The following PCDH10 variants were observed in gnomAD, a reference collection of about 807,000 sequenced individuals.
The protein encoded by PCDH10 is protocadherin 10.
Under a neutral mutation model 74.4 loss-of-function variants are expected in PCDH10, and 15 were observed. The observed-to-expected ratio is 0.20, with a 90% CI of 0.13 to 0.31. The LOEUF (loss-of-function observed/expected upper bound fraction) is 0.31, where lower values mean the gene tolerates loss of function less well. Among genes scored for constraint, PCDH10 ranks in the 10% least tolerant of loss-of-function variants. PCDH10 has a pLI of 1.00. For missense variants in PCDH10, 1,260 were observed against 1,390.2 expected (o/e 0.91, Z 1.49); for synonymous variants, 619 against 589.8 (o/e 1.05, Z -0.72).
intron 3 of PCDH10, among the ~76,000 whole-genome samples, chr4:133,158,707 A>G (rs2125861573): frequency 6.6e-6 from 1 of 152,248 alleles, no homozygotes; most frequent in East Asian, 1.9e-4. Context: ...AAACACAAAT[A>G]CCTATTTCCA....
rs1327291328 is a variant in PCDH10 at position 133,191,479 on chromosome 4, T to C, written c.*1319T>C. The C allele has an allele frequency of 1.3e-5, 2 of 152,234 alleles. No homozygotes were observed. Among genetic ancestry groups the C allele is most frequent in the Non-Finnish European group, 3.0e-5 (2 of 67,774 alleles). 9.4% of individuals were successfully genotyped at this position (152,234 alleles called of 1,614,324 possible). On this transcript the variant is annotated 3_prime_UTR_variant, in exon 5 of 5. Coordinates refer to ENST00000264360, the MANE Select transcript of PCDH10 (RefSeq NM_032961.3). ...TTATAGCTTAAATGTAGTCAGTGTTTGATTAATGAAAAAATTCTTCATGAG... is the reference window on the plus strand; with the variant it reads ...TTATAGCTTAAATGTAGTCAGTGTTCGATTAATGAAAAAATTCTTCATGAG...
At chr4:133,182,390 AG>A (rs951894112) in intron 4 of PCDH10, among the ~76,000 whole-genome samples, 3 of 152,102 alleles carry the variant, frequency 2.0e-5, no homozygotes, top group African/African-American at 7.2e-5. Context: ...TTTTTTAAGT[AG>A]GGATATTTTG....
At chr4:133,157,381 C>A (rs752842802) in intron 3 of PCDH10, among the ~76,000 whole-genome samples, 1 of 152,280 alleles carries the variant, frequency 6.6e-6, no homozygotes, top group South Asian at 2.1e-4. Context: ...TCACATCAGG[C>A]AGCTAGACTA....
chr4:133,207,145 G>A (rs1728024497), intron 2 of PCDH10, among the ~76,000 whole-genome samples: 1 of 151,628 alleles, frequency 6.6e-6, no homozygotes, highest in Non-Finnish European at 1.5e-5. Flanking sequence ...AAAACCAAAG[G>A]GGTAATATGC....
intron 4 of PCDH10, among the ~76,000 whole-genome samples, chr4:133,188,485 T>A (rs1727587185): frequency 6.6e-6 from 1 of 152,120 alleles, no homozygotes; most frequent in Admixed American, 6.6e-5. Flanking sequence ...TTCTCTGGAA[T>A]ATTATGACCT....
At chr4:133,200,207 CATT>C (rs1459444326) in intron 2 of PCDH10, among the ~76,000 whole-genome samples, 5 of 151,916 alleles carry the variant, frequency 3.3e-5, no homozygotes, top group East Asian at 1.9e-4. Context: ...AAAACTTTCT[CATT>C]AATAATGTTT....
rs748926813 is a variant in PCDH10 at position 133,152,375 on chromosome 4, G to A, written c.2235G>A (p.Lys745=). 15 of 1,614,096 alleles carry A rather than the reference G, an allele frequency of 9.3e-6. No individual in the cohort carries two copies. Among genetic ancestry groups the A allele is most frequent in the South Asian group, 2.2e-5 (2 of 91,094 alleles). ...CCGTGCGTTGCCAAAAAGAGAAGAA[G>A]CTCAACATCTATACTTGTCTGGCCA... ...VLAVRCQKEK[K]LNIYTCLASD... Residue 745 remains lysine (K), a synonymous_variant, in exon 1 of 5, where the codon AAG becomes AAA. Coordinates refer to ENST00000264360, the MANE Select transcript of PCDH10 (RefSeq NM_032961.3).
chr4:133,164,987 C>T (rs561235283), intron 4 of PCDH10, among the ~76,000 whole-genome samples: 234 of 146,804 alleles, frequency 1.6e-3, no homozygotes, highest in African/African-American at 5.3e-3. Context: ...TACATATATT[C>T]ATATATATAC....
In PCDH10 at chr4:133,151,100, G is replaced by T; in HGVS notation, c.960G>T (p.Glu320Asp). 6.2e-7 allele frequency: 1 copy of T among 1,614,112 alleles called. No homozygotes were observed. Among genetic ancestry groups the T allele is most frequent in the Non-Finnish European group, 8.5e-7 (1 of 1,180,022 alleles). ...LEVSGELDYE[E>D]SPVYQVYVQA... ...TAAGCGGCGAGTTGGACTATGAAGAGAGCCCAGTGTACCAAGTGTACGTGC... is the reference window on the plus strand; with the variant it reads ...TAAGCGGCGAGTTGGACTATGAAGATAGCCCAGTGTACCAAGTGTACGTGC... Residue 320 changes from glutamate (E) to aspartate (D), a missense_variant, in exon 1 of 5, where the codon GAG (glutamate) becomes GAT (aspartate). By Grantham distance (45) the Glu-to-Asp change is conservative. Around this residue, in one of 11 missense-constraint regions of PCDH10, gnomAD observed 192 missense variants for 161.2 expected, o/e 1.19. Transcript: ENST00000264360.
At position 133,150,608 on chromosome 4, in the gene PCDH10, G is replaced by C; in HGVS notation, c.468G>C (p.Leu156Phe). The change falls in exon 1 of 5, where the codon TTG (leucine) becomes TTC (phenylalanine). Residue 156 changes from leucine to phenylalanine, a missense_variant. By Grantham distance (22) the Leu-to-Phe change is conservative. This residue lies in a region of PCDH10 where 35 missense variants were observed against 29.1 expected (regional missense o/e 1.20). Coordinates refer to ENST00000264360, the MANE Select transcript of PCDH10 (RefSeq NM_032961.3). ...AFDPDVGTNS[L>F]RDYEITPNSY... is the part of the protein sequence containing the mutation. The stretch of plus-strand genomic sequence containing the variant: ...ACCCAGACGTGGGCACCAACTCCTT[G>C]CGCGACTACGAGATCACCCCCAACA... The C allele has an allele frequency of 1.2e-6, 2 of 1,613,492 alleles. No individual in the cohort carries two copies. The highest frequency in any genetic ancestry group is 1.7e-6 in the Non-Finnish European group (2 of 1,179,988).
intron 3 of PCDH10, among the ~76,000 whole-genome samples, chr4:133,155,916 G>A (rs1157993507): frequency 6.6e-6 from 1 of 151,992 alleles, no homozygotes; most frequent in Non-Finnish European, 1.5e-5. Context: ...TCTTTGAAGG[G>A]TGTTTGTTGA....
chr4:133,161,013 C>T (rs1560707169), intron 3 of PCDH10, among the ~76,000 whole-genome samples: 1 of 152,160 alleles, frequency 6.6e-6, no homozygotes, highest in East Asian at 1.9e-4. Flanking sequence ...GTATCAGGGA[C>T]ATTCTAGTTC....
At position 133,152,520 on chromosome 4, in the gene PCDH10, A is replaced by G. The variant is rs1438536521; in HGVS notation, c.2380A>G (p.Asn794Asp). 1.2e-6 allele frequency: 2 copies of G among 1,613,988 alleles called. No individual in the cohort carries two copies. The highest frequency in any genetic ancestry group is 1.7e-5 in the Admixed American group (1 of 60,008). The change falls in exon 1 of 5, where the codon AAT (asparagine) becomes GAT (aspartate). Residue 794 changes from asparagine (N) to aspartate (D), a missense_variant. Asn to Asp is a conservative substitution (Grantham distance 23, BLOSUM62 1). Coordinates refer to ENST00000264360, the MANE Select transcript of PCDH10 (RefSeq NM_032961.3). The part of the protein sequence containing the change: ...KSDIMLVQSS[N>D]VPSNPAQVPI... ...AGACATCATGCTGGTGCAGAGCTCC[A>G]ATGTACCCAGTAACCCGGCCCAGGT...
chr4:133,199,502 T>A (rs1727860068), downstream of PCDH10, among the ~76,000 whole-genome samples: 1 of 149,754 alleles, frequency 6.7e-6, no homozygotes, highest in African/African-American at 2.4e-5. Flanking sequence ...GGGGGACAAA[T>A]AGGATGTACT....
At chr4:133,197,717 A>C (rs1413464385), downstream of PCDH10, among the ~76,000 whole-genome samples, 1 of 152,186 alleles carries the variant, frequency 6.6e-6, no homozygotes, top group Non-Finnish European at 1.5e-5. Flanking sequence ...AGGAACATTT[A>C]GATAACATTG....
At chr4:133,166,177 G>C (rs1481200648) in intron 4 of PCDH10, among the ~76,000 whole-genome samples, 1 of 151,520 alleles carries the variant, frequency 6.6e-6, no homozygotes, top group Non-Finnish European at 1.5e-5. Flanking sequence ...CTCAAAGATT[G>C]AGTAAATAAA....
intron 2 of PCDH10, among the ~76,000 whole-genome samples, chr4:133,201,856 C>CAA (rs11400760): frequency 0.5 from 35,833 of 72,230 alleles, 8,527 homozygotes; most frequent in East Asian, 0.78. Flanking sequence ...AACTCCATCT[C>CAA]AAAAAAAAAA....
intron 4 of PCDH10, among the ~76,000 whole-genome samples, chr4:133,179,377 C>T (rs1430395835): frequency 6.6e-6 from 1 of 152,092 alleles, no homozygotes; most frequent in Non-Finnish European, 1.5e-5. Flanking sequence ...GCCACAATAA[C>T]GTTCATGTTT....
At chr4:133,188,428 T>C (rs1727586133) in intron 4 of PCDH10, among the ~76,000 whole-genome samples, 1 of 152,178 alleles carries the variant, frequency 6.6e-6, no homozygotes, top group Non-Finnish European at 1.5e-5. Context: ...CACAGAAAAA[T>C]AGGATTTCAT....
Sources: allele counts gnomAD v4.1 joint callset (sites outside exome capture counted in the v4.1 genomes callset), GRCh38; gene constraint gnomAD v4.1.1; regional missense constraint gnomAD v4.1.1; transcripts MANE v1.5; gene names NCBI Gene and HGNC (gene_info 2026-07-23, HGNC 2026-07-21).